Variants in CSMD1 observed in about 807,000 individuals in gnomAD.
CSMD1 encodes CUB and Sushi multiple domains 1, also known as CUB and sushi domain-containing protein 1.
A neutral mutation model predicts 417.5 loss-of-function variants in CSMD1; 213 were observed. The observed-to-expected ratio is 0.51, with a 90% CI of 0.46 to 0.57. The LOEUF (loss-of-function observed/expected upper bound fraction) is 0.57. Ranked by LOEUF, CSMD1 falls within the 20% of genes least tolerant of loss-of-function variation. CSMD1 has a pLI of 0.00. For missense variants in CSMD1, 6,923 were observed against 4,529.7 expected (o/e 1.53, Z -15.17); for synonymous variants, 2,862 against 1,736.8 (o/e 1.65, Z -16.11).
At chr8:4,744,167 T>G (rs957274011) in intron 1 of CSMD1, among the ~76,000 whole-genome samples, 5 of 152,174 alleles carry the variant, frequency 3.3e-5, no homozygotes, top group Admixed American at 3.3e-4. Flanking sequence ...ATAAAGAGCG[T>G]CGCAGTCCAG....
intron 1 of CSMD1, among the ~76,000 whole-genome samples, chr8:4,783,119 T>C (rs931166762): frequency 2.0e-5 from 3 of 152,214 alleles, no homozygotes; most frequent in Admixed American, 1.3e-4. Context: ...ATCACAGAGT[T>C]AACATGTCAT....
At chr8:4,717,132 C>T (rs1046300677) in intron 1 of CSMD1, among the ~76,000 whole-genome samples, 1 of 151,146 alleles carries the variant, frequency 6.6e-6, no homozygotes, top group African/African-American at 2.4e-5. Context: ...AGAAAATAAT[C>T]ATTAGGAAAA....
chr8:4,683,124 CTT>C (rs1806151207), intron 1 of CSMD1, among the ~76,000 whole-genome samples: 1 of 151,390 alleles, frequency 6.6e-6, no homozygotes, highest in Non-Finnish European at 1.5e-5. Flanking sequence ...TTACATGTAA[CTT>C]ATGAATTAGT....
At chr8:3,367,333 G>C (rs1440140616) in intron 19 of CSMD1, 86 bp from the exon 20 acceptor site, 4 of 825,194 alleles carry the variant, frequency 4.8e-6, no homozygotes, top group African/African-American at 1.7e-5. Context: ...GGCAGAGAGA[G>C]ACAGAGACAT....
At chr8:4,235,211 C>A (rs892729645) in intron 3 of CSMD1, among the ~76,000 whole-genome samples, 2 of 151,966 alleles carry the variant, frequency 1.3e-5, no homozygotes, top group African/African-American at 4.8e-5. Flanking sequence ...CAAGAATGGA[C>A]CAAGGGTGCA....
chr8:4,851,402 T>C lies in CSMD1; in HGVS notation c.85+142930A>G, dbSNP rs115316451. Among the ~76,000 whole-genome samples, 395 of 152,216 alleles carry C rather than the reference T, an allele frequency of 2.6e-3. 4 individuals carry two copies. The highest frequency in any genetic ancestry group is 9.0e-3 in the African/African-American group (373 of 41,534). On this transcript the variant is annotated intron_variant, in intron 1 of 69. Transcript: ENST00000635120. ...CCAATTCCTGCTTTTCCTTTTTTGT[T>C]TTTTTCCTGGCTGCATCTTCTTCGT...
chr8:3,315,403 C>T (rs1805674364), intron 23 of CSMD1, among the ~76,000 whole-genome samples: 1 of 151,020 alleles, frequency 6.6e-6, no homozygotes, highest in South Asian at 2.1e-4. Context: ...CAATACATCT[C>T]TCTTTATTCA....
chr8:4,466,749 T>A (rs2130004280), intron 2 of CSMD1, among the ~76,000 whole-genome samples: 1 of 152,274 alleles, frequency 6.6e-6, no homozygotes, highest in East Asian at 1.9e-4. Context: ...CCAATAATAC[T>A]ATATTTATCA....
intron 12 of CSMD1, among the ~76,000 whole-genome samples, chr8:3,439,122 C>G: frequency 4.0e-4 from 1 of 2,492 alleles, no homozygotes; most frequent in Non-Finnish European, 5.7e-4. Context: ...GACTCCATCT[C>G]AAAAAAAAAA....
At chr8:3,348,645 C>G (rs953816623) in intron 21 of CSMD1, among the ~76,000 whole-genome samples, 8 of 152,194 alleles carry the variant, frequency 5.3e-5, no homozygotes, top group African/African-American at 1.7e-4. Flanking sequence ...ACAGACCAAA[C>G]CACTGAGTTA....
chr8:3,717,034 T>C lies in CSMD1; in HGVS notation c.932-8543A>G, dbSNP rs547987381. Reference sequence around the variant, plus strand: ...AAAATAAAGGTCACAAAGCTTGAAATGGTAGAAGCAGGGTTTGCTGTGGTG... The same window carrying C: ...AAAATAAAGGTCACAAAGCTTGAAACGGTAGAAGCAGGGTTTGCTGTGGTG... On this transcript the variant is annotated intron_variant, in intron 6 of 69. Coordinates refer to ENST00000635120, the MANE Select transcript of CSMD1 (RefSeq NM_033225.6). Among the ~76,000 whole-genome samples the C allele has an allele frequency of 2.6e-5, 4 of 152,202 alleles. No individual in the cohort carries two copies. The East Asian group carries it at 5.8e-4, about 22-fold the overall frequency.
chr8:4,175,629 T>C (rs544537008), intron 3 of CSMD1, among the ~76,000 whole-genome samples: 17 of 152,268 alleles, frequency 1.1e-4, no homozygotes, highest in African/African-American at 4.1e-4. Context: ...GCATAATTTG[T>C]GATGGCAAAA....
intron 11 of CSMD1, 50 bp from the exon 12 acceptor site, chr8:3,468,874 C>G: frequency 8.3e-7 from 1 of 1,206,802 alleles, no homozygotes; most frequent in African/African-American, 1.5e-5. Context: ...ACAAGTACAT[C>G]GACTTCCACC....
chr8:4,185,157 A>C (rs1425807884), intron 3 of CSMD1, among the ~76,000 whole-genome samples: 2 of 151,028 alleles, frequency 1.3e-5, no homozygotes, highest in East Asian at 3.9e-4. Flanking sequence ...AAAAAAAAAA[A>C]AAAAAGCAAA....
chr8:3,863,264 G>C (rs538352607), intron 5 of CSMD1, among the ~76,000 whole-genome samples: 1 of 152,018 alleles, frequency 6.6e-6, no homozygotes. Flanking sequence ...AGGTCTGGTG[G>C]CAGGCACCTG....
chr8:3,907,752 G>A (rs773645811), intron 5 of CSMD1, among the ~76,000 whole-genome samples: 2 of 152,170 alleles, frequency 1.3e-5, no homozygotes, highest in Non-Finnish European at 2.9e-5. Flanking sequence ...ACCTGCCTGT[G>A]TCAGTCAGTA....
chr8:4,242,964 T>C (rs957571444), intron 3 of CSMD1, among the ~76,000 whole-genome samples: 1 of 152,116 alleles, frequency 6.6e-6, no homozygotes, highest in African/African-American at 2.4e-5. Context: ...AAAGTCAAAG[T>C]TTAAAATTTT....
rs1367748662 is a variant in CSMD1 at position 4,267,094 on chromosome 8, T to C, written c.415+152859A>G. On this transcript the variant is annotated intron_variant, in intron 3 of 69. Transcript: ENST00000635120. ...AGAGTGTCTGTTTACTTCAATGTTA[T>C]TTTTTTTTGAAAGTGCTTTCTAATG... Among the ~76,000 whole-genome samples, 3 of 100,608 alleles carry C rather than the reference T, an allele frequency of 3.0e-5. 1 individual carries two copies. Among genetic ancestry groups the C allele is most frequent in the African/African-American group, 8.1e-5 (3 of 37,004 alleles). The allele number at this position is 100,608 out of a possible 152,430, so 66.0% of individuals were successfully genotyped here.
intron 3 of CSMD1, among the ~76,000 whole-genome samples, chr8:4,259,590 T>C (rs1339687688): frequency 6.6e-6 from 1 of 152,192 alleles, no homozygotes; most frequent in Non-Finnish European, 1.5e-5. Flanking sequence ...CAACGATTGT[T>C]TTAAAAATAA....
Sources: allele counts gnomAD v4.1 joint callset (sites outside exome capture counted in the v4.1 genomes callset), GRCh38; gene constraint gnomAD v4.1.1; transcripts MANE v1.5; gene names NCBI Gene and HGNC (gene_info 2026-07-23, HGNC 2026-07-21).